Variants in IQCJ observed in about 807,000 individuals in gnomAD.
IQCJ encodes IQ domain-containing protein J.
Under a neutral mutation model 11.0 loss-of-function variants are expected in IQCJ, and 9 were observed. That is an observed-to-expected ratio of 0.82 (90% CI 0.49 to 1.43). IQCJ has a LOEUF of 1.43. Among genes scored for constraint, IQCJ ranks in the 40% most tolerant of loss-of-function variants. IQCJ has a pLI of 0.00. For synonymous variants in IQCJ, 55 were observed against 51.3 expected (o/e 1.07, Z -0.31); for missense variants, 146 against 133.2 (o/e 1.10, Z -0.47).
In IQCJ at chr3:159,131,416, A is replaced by T. The variant is rs577219428; in HGVS notation, c.9+61975A>T. 1.8e-4 allele frequency among the ~76,000 whole-genome samples: 28 copies of T among 152,020 alleles called. No individual in the cohort carries two copies. In the South Asian group the frequency reaches 5.6e-3, roughly 31 times the overall value. The stretch of plus-strand genomic sequence containing the variant: ...TCCCTGGCCAGTTAGCTGTCAATTA[A>T]ATTTGGCCAATGAGAGGCATTGGCA... On this transcript the variant is annotated intron_variant, in intron 1 of 3. Transcript: ENST00000397832.
chr3:159,128,280 AAGTAAT>A (rs1719789250), intron 1 of IQCJ, among the ~76,000 whole-genome samples: 1 of 152,176 alleles, frequency 6.6e-6, no homozygotes, highest in Non-Finnish European at 1.5e-5. Context: ...CTAGGGCTGA[AAGTAAT>A]AACTAGAATT....
intron 1 of IQCJ, among the ~76,000 whole-genome samples, chr3:159,194,467 A>C (rs996101412): frequency 1.3e-5 from 2 of 152,164 alleles, no homozygotes; most frequent in African/African-American, 4.8e-5. Context: ...AGGGAGCCCA[A>C]CACTGTTGTT....
At chr3:159,153,996 CT>C (rs1288460702) in intron 1 of IQCJ, among the ~76,000 whole-genome samples, 2 of 152,190 alleles carry the variant, frequency 1.3e-5, no homozygotes, top group Admixed American at 1.3e-4. Flanking sequence ...TCAAATCATT[CT>C]TAATAAATTC....
downstream of IQCJ, chr3:159,263,787 T>A: frequency 2.0e-6 from 2 of 985,312 alleles, no homozygotes; most frequent in Non-Finnish European, 2.4e-6. Context: ...AGAGAATAAG[T>A]TGAGTTTATA....
intron 3 of IQCJ, among the ~76,000 whole-genome samples, chr3:159,254,092 C>T: frequency 6.6e-6 from 1 of 152,176 alleles, no homozygotes; most frequent in Middle Eastern, 3.2e-3. Context: ...GTGTGTCAGC[C>T]TCACTACACA....
intron 1 of IQCJ, among the ~76,000 whole-genome samples, chr3:159,089,208 G>T (rs1476287005): frequency 6.6e-6 from 1 of 151,938 alleles, no homozygotes; most frequent in African/African-American, 2.4e-5. Flanking sequence ...TGAAGTTCTG[G>T]GTTGAAAATT....
intron 1 of IQCJ, among the ~76,000 whole-genome samples, chr3:159,132,045 C>T (rs1720022523): frequency 6.6e-6 from 1 of 152,092 alleles, no homozygotes; most frequent in Admixed American, 6.6e-5. Flanking sequence ...CCAGCTGACC[C>T]ATAGATCCTC....
intron 1 of IQCJ, among the ~76,000 whole-genome samples, chr3:159,082,557 T>C (rs1435669367): frequency 2.6e-5 from 4 of 151,468 alleles, no homozygotes; most frequent in Non-Finnish European, 5.9e-5. Flanking sequence ...GGCTTTGTAG[T>C]GGGGAAAAAT....
At chr3:159,210,143 AT>A (rs1458036832) in intron 1 of IQCJ, among the ~76,000 whole-genome samples, 5 of 152,196 alleles carry the variant, frequency 3.3e-5, no homozygotes, top group Admixed American at 3.3e-4. Flanking sequence ...GATGGGAATG[AT>A]CTTCCCAGTG....
chr3:159,247,900 C>T (rs935791659), intron 2 of IQCJ, among the ~76,000 whole-genome samples: 4 of 152,060 alleles, frequency 2.6e-5, no homozygotes, highest in South Asian at 2.1e-4. Context: ...TTTTCTCCTT[C>T]GGTTCAAAGA....
intron 1 of IQCJ, among the ~76,000 whole-genome samples, chr3:159,116,926 T>C (rs976898368): frequency 2.0e-5 from 3 of 151,782 alleles, no homozygotes; most frequent in African/African-American, 7.3e-5. Context: ...TGAGAAAGAA[T>C]GAGCAGAAGT....
At chr3:159,158,438 T>C (rs980107559) in intron 1 of IQCJ, among the ~76,000 whole-genome samples, 12 of 152,186 alleles carry the variant, frequency 7.9e-5, no homozygotes, top group African/African-American at 2.9e-4. Context: ...TCATTGGTCT[T>C]CCTTCCCTGG....
At chr3:159,091,585 A>T (rs925019953) in intron 1 of IQCJ, among the ~76,000 whole-genome samples, 1 of 151,308 alleles carries the variant, frequency 6.6e-6, no homozygotes. Flanking sequence ...AAACATTCAG[A>T]CCATAGCAGT....
intron 1 of IQCJ, among the ~76,000 whole-genome samples, chr3:159,148,079 T>C (rs1357258119): frequency 6.6e-6 from 1 of 152,262 alleles, no homozygotes; most frequent in East Asian, 1.9e-4. Context: ...AGTATGTCCA[T>C]TGTTGAACTC....
intron 1 of IQCJ, among the ~76,000 whole-genome samples, chr3:159,235,530 C>T (rs1726527852): frequency 6.6e-6 from 1 of 152,148 alleles, no homozygotes; most frequent in South Asian, 2.1e-4. Context: ...ATCCTGGATC[C>T]AGTGCGAGTG....
intron 1 of IQCJ, among the ~76,000 whole-genome samples, chr3:159,086,387 C>T (rs1279326951): frequency 3.9e-5 from 6 of 152,130 alleles, no homozygotes; most frequent in Non-Finnish European, 7.3e-5. Context: ...TTAGGATTGA[C>T]TTGGCGATGC....
At chr3:159,256,945 G>T (rs144628827) in intron 3 of IQCJ, among the ~76,000 whole-genome samples, 2 of 152,172 alleles carry the variant, frequency 1.3e-5, no homozygotes, top group Non-Finnish European at 2.9e-5. Flanking sequence ...TTACAAAGAA[G>T]TTATTCTTAC....
chr3:159,205,455 T>C (rs997038853), intron 1 of IQCJ, among the ~76,000 whole-genome samples: 1 of 152,238 alleles, frequency 6.6e-6, no homozygotes, highest in African/African-American at 2.4e-5. Context: ...GGTTCTATTA[T>C]GTTGGCATGA....
chr3:159,200,119 A>ATATATATATATATATATATATATC (rs1438955586), intron 1 of IQCJ, among the ~76,000 whole-genome samples: 1 of 146,128 alleles, frequency 6.8e-6, no homozygotes, highest in African/African-American at 2.6e-5. Flanking sequence ...ATATATATAT[A>ATATATATATATATATATATATATC]TCACTTTGAA....
Sources: gnomAD v4.1 joint callset for allele counts (sites outside exome capture counted in the v4.1 genomes callset) on GRCh38, gnomAD v4.1.1 for gene constraint, MANE v1.5 for transcripts, NCBI Gene and HGNC (gene_info 2026-07-23, HGNC 2026-07-21) for gene names.